CCSER1: variants seen among roughly 807,000 people sequenced by gnomAD.
CCSER1 encodes serine-rich coiled-coil domain-containing protein 1.
A neutral mutation model predicts 82.0 loss-of-function variants in CCSER1; 41 were observed. That is an observed-to-expected ratio of 0.50 (90% CI 0.39 to 0.65). CCSER1 has a LOEUF of 0.65. Ranked by LOEUF, CCSER1 falls within the 30% of genes least tolerant of loss-of-function variation. The probability of loss-of-function intolerance (pLI) is 0.00; values close to 1 mark genes in which losing one functional copy is unlikely to be tolerated. For missense variants in CCSER1, 1,119 were observed against 1,064.2 expected, an observed-to-expected ratio of 1.05 and a Z score of -0.72; for synonymous variants, 414 against 383.9, an observed-to-expected ratio of 1.08 and a Z score of -0.92.
chr4:91,297,379 G>GTGTGTATGTGTATGTGTGTGTGTGTGTA (rs1327435173), intron 10 of CCSER1, among the ~76,000 whole-genome samples: 2 of 98,594 alleles, frequency 2.0e-5, no homozygotes, highest in Admixed American at 9.5e-5. Context: ...GTGTGTGTGT[G>GTGTGTATGTGTATGTGTGTGTGTGTGTA]TGTGTATGTG....
chr4:91,398,588 C>A (rs2149357221), intron 10 of CCSER1, among the ~76,000 whole-genome samples: 1 of 151,674 alleles, frequency 6.6e-6, no homozygotes, highest in Admixed American at 6.6e-5. Flanking sequence ...TATTCGTATT[C>A]ATTAATAAGA....
intron 10 of CCSER1, among the ~76,000 whole-genome samples, chr4:91,138,970 A>T (rs1400355642): frequency 1.3e-5 from 2 of 152,156 alleles, no homozygotes; most frequent in Non-Finnish European, 2.9e-5. Context: ...GCTATGAATG[A>T]TCTGTCACCC....
At chr4:90,425,060 G>A (rs979694421) in intron 4 of CCSER1, among the ~76,000 whole-genome samples, 7 of 151,774 alleles carry the variant, frequency 4.6e-5, no homozygotes, top group Admixed American at 6.6e-5. Context: ...GGTCTTTTAC[G>A]GCCCTTGGTC....
At chr4:91,511,532 C>T (rs185329975) in intron 10 of CCSER1, among the ~76,000 whole-genome samples, 1 of 152,284 alleles carries the variant, frequency 6.6e-6, no homozygotes, top group African/African-American at 2.4e-5. Flanking sequence ...TGGTACCACA[C>T]AGCAGGAGGT....
At chr4:90,820,890 G>A (rs556932858) in intron 8 of CCSER1, among the ~76,000 whole-genome samples, 2 of 151,986 alleles carry the variant, frequency 1.3e-5, no homozygotes, top group Non-Finnish European at 2.9e-5. Context: ...TGAGAAATTA[G>A]ACTGCTCAAT....
chr4:91,525,969 T>G (rs1235441564), intron 10 of CCSER1, among the ~76,000 whole-genome samples: 1 of 152,164 alleles, frequency 6.6e-6, no homozygotes, highest in East Asian at 1.9e-4. Context: ...AACAAATAAA[T>G]AAATCAAAAT....
intron 10 of CCSER1, among the ~76,000 whole-genome samples, chr4:91,230,963 A>G (rs1039466280): frequency 6.6e-6 from 1 of 151,882 alleles, no homozygotes; most frequent in African/African-American, 2.4e-5. Flanking sequence ...TATAATATTA[A>G]TATGTCTGTT....
intron 10 of CCSER1, among the ~76,000 whole-genome samples, chr4:91,393,429 A>C (rs943020364): frequency 6.6e-6 from 1 of 152,132 alleles, no homozygotes; most frequent in Non-Finnish European, 1.5e-5. Flanking sequence ...GATATTTTAA[A>C]GTAAGTGCCC....
At chr4:90,915,407 C>G (rs947377035) in intron 8 of CCSER1, among the ~76,000 whole-genome samples, 2 of 152,162 alleles carry the variant, frequency 1.3e-5, no homozygotes, top group African/African-American at 4.8e-5. Context: ...GAACCAAAGA[C>G]AAAAACCACA....
intron 9 of CCSER1, among the ~76,000 whole-genome samples, chr4:91,084,045 C>A (rs1723100203): frequency 6.6e-6 from 1 of 152,066 alleles, no homozygotes; most frequent in African/African-American, 2.4e-5. Flanking sequence ...ATTCTCCTGC[C>A]TCAGCCTCCC....
intron 7 of CCSER1, among the ~76,000 whole-genome samples, chr4:90,748,779 G>C (rs1481134817): frequency 3.3e-5 from 5 of 150,114 alleles, no homozygotes; most frequent in Admixed American, 2.7e-4. Context: ...GCATTTCTCT[G>C]ATGGCCAGTG....
At chr4:90,709,926 C>A (rs954999092) in intron 6 of CCSER1, among the ~76,000 whole-genome samples, 3 of 149,714 alleles carry the variant, frequency 2.0e-5, no homozygotes, top group African/African-American at 7.4e-5. Context: ...TCCTTTTTCT[C>A]TGCAACCTTG....
intron 8 of CCSER1, among the ~76,000 whole-genome samples, chr4:90,884,864 T>G (rs981167478): frequency 6.6e-6 from 1 of 152,058 alleles, no homozygotes; most frequent in Non-Finnish European, 1.5e-5. Context: ...ATTGAAGCAA[T>G]GGGCAGATAA....
chr4:91,534,689 T>C lies in CCSER1; in HGVS notation c.2218-63883T>C, dbSNP rs115789215. ...ATTGCCTTATATAATTTCTTAGCTA[T>C]ATTAATTCAATTTTTATGTGTGATT... On this transcript the variant is annotated intron_variant, in intron 10 of 10. Coordinates refer to ENST00000509176, the MANE Select transcript of CCSER1 (RefSeq NM_001145065.2). 7.6e-3 allele frequency among the ~76,000 whole-genome samples: 1,162 copies of C among 152,126 alleles called. 15 individuals are homozygous for C. Among genetic ancestry groups the C allele is most frequent in the African/African-American group, 0.026 (1,096 of 41,550 alleles).
At chr4:91,477,486 T>C (rs187377886) in intron 10 of CCSER1, among the ~76,000 whole-genome samples, 1 of 151,734 alleles carries the variant, frequency 6.6e-6, no homozygotes, top group Non-Finnish European at 1.5e-5. Flanking sequence ...CCAATTTTTT[T>C]TATTAATACT....
At chr4:90,366,076 T>C (rs115246070) in intron 3 of CCSER1, among the ~76,000 whole-genome samples, 2,218 of 152,016 alleles carry the variant, frequency 0.015, 72 homozygotes, top group African/African-American at 0.05. Flanking sequence ...GATTGAAACC[T>C]TGGTTACCAG....
In CCSER1 at chr4:90,815,785, G is replaced by A. The variant is rs373571745; in HGVS notation, c.2034G>A (p.Ser678=). The A allele has an allele frequency of 1.3e-6, 2 of 1,550,870 alleles. No individual in the cohort carries two copies. The highest frequency in any genetic ancestry group is 2.4e-5 in the South Asian group (2 of 83,972). The change falls in exon 8 of 11, where the codon TCG becomes TCA. Residue 678 remains serine (S), a synonymous_variant. Coordinates refer to ENST00000509176, the MANE Select transcript of CCSER1 (RefSeq NM_001145065.2). ...AGGATATAATGAAAGATGAATGCTC[G>A]ATGCTCAAGCTGCAGCTGAAAGAGA... ...PFKDIMKDEC[S]MLKLQLKEKD...
intron 9 of CCSER1, among the ~76,000 whole-genome samples, chr4:91,016,949 A>T (rs1021561502): frequency 1.3e-5 from 2 of 152,136 alleles, no homozygotes; most frequent in African/African-American, 4.8e-5. Context: ...AGAAAATGAC[A>T]AGGAAAAATC....
chr4:91,476,599 T>G (rs539484342), intron 10 of CCSER1, among the ~76,000 whole-genome samples: 145 of 151,512 alleles, frequency 9.6e-4, no homozygotes, highest in Non-Finnish European at 1.7e-3. Flanking sequence ...CAAAGCAATT[T>G]TGAGGAAAAA....
Sources: gnomAD v4.1 joint callset for allele counts (sites outside exome capture counted in the v4.1 genomes callset) on GRCh38, gnomAD v4.1.1 for gene constraint, MANE v1.5 for transcripts, NCBI Gene and HGNC (gene_info 2026-07-23, HGNC 2026-07-21) for gene names.